Variants in PCYOX1L observed in about 807,000 individuals in gnomAD.
The protein encoded by PCYOX1L is prenylcysteine oxidase 1 like, also known as prenylcysteine oxidase 1-like.
Under a neutral mutation model 44.1 loss-of-function variants are expected in PCYOX1L, and 40 were observed. The observed-to-expected ratio is 0.91, with a 90% confidence interval of 0.70 to 1.18. The LOEUF is 1.18. Ranked by LOEUF, PCYOX1L falls within the 50% of genes most tolerant of loss-of-function variation. PCYOX1L has a pLI of 0.00. For synonymous variants in PCYOX1L, 266 were observed against 282.8 expected (o/e 0.94, Z 0.60); for missense variants, 605 against 653.3 (o/e 0.93, Z 0.81).
In PCYOX1L at chr5:149,362,830, C is replaced by T. The variant is rs750459489; in HGVS notation, c.282C>T (p.Phe94=). 8.7e-6 allele frequency: 14 copies of T among 1,613,880 alleles called. No individual in the cohort carries two copies. The highest frequency in any genetic ancestry group is 1.1e-5 in the Non-Finnish European group (13 of 1,180,040). ...FHSLSLHMQD[F]VKLLGLRHRR... is the part of the protein sequence containing the mutation. ...CCCTGAGCCTGCACATGCAGGACTT[C>T]GTCAAGCTGCTGGGTGAGTGGTCAG... The change falls in exon 2 of 6, where the codon TTC becomes TTT. Residue 94 remains phenylalanine (F), a synonymous_variant. Coordinates refer to ENST00000274569, the MANE Select transcript of PCYOX1L (RefSeq NM_024028.4).
intron 3 of PCYOX1L, 102 bp from the exon 4 acceptor site, chr5:149,365,840 G>A: frequency 9.6e-7 from 1 of 1,040,244 alleles, no homozygotes; most frequent in Non-Finnish European, 1.5e-6. Flanking sequence ...TGTAGAGGAA[G>A]TGATGGGTTC....
intron 3 of PCYOX1L, 159 bp downstream of exon 3, chr5:149,364,369 A>ATGGCC: frequency 1.2e-6 from 1 of 826,836 alleles, no homozygotes; most frequent in Non-Finnish European, 1.8e-6. Flanking sequence ...GGCATGAGGA[A>ATGGCC]TGGCCGTATT....
chr5:149,359,312 C>T (rs1561699046), intron 1 of PCYOX1L, among the ~76,000 whole-genome samples: 1 of 152,184 alleles, frequency 6.6e-6, no homozygotes, highest in Non-Finnish European at 1.5e-5. Context: ...AACCACAGCC[C>T]AGGCCATACA....
At chr5:149,366,224 C>T in intron 4 of PCYOX1L, 71 bp downstream of exon 4, 1 of 1,493,662 alleles carries the variant, frequency 6.7e-7, no homozygotes, top group Non-Finnish European at 9.1e-7. Flanking sequence ...GGCTGGGGGT[C>T]CCCATAATAA....
intron 3 of PCYOX1L, 196 bp downstream of exon 3, chr5:149,364,406 T>C (rs1758130095): frequency 1.3e-5 from 8 of 597,096 alleles, no homozygotes; most frequent in Non-Finnish European, 1.7e-5. Flanking sequence ...TCCCTAGTAT[T>C]GTCACATTGA....
intron 2 of PCYOX1L, 102 bp downstream of exon 2, chr5:149,362,945 G>A (rs1484096590): frequency 3.1e-6 from 4 of 1,280,114 alleles, no homozygotes; most frequent in South Asian, 2.4e-5. Flanking sequence ...AGAAGGTCAT[G>A]TGGCCCAATC....
chr5:149,365,706 C>A, intron 3 of PCYOX1L: 1 of 574,960 alleles, frequency 1.7e-6, no homozygotes, highest in Non-Finnish European at 3.1e-6. Flanking sequence ...CTCAGCACAG[C>A]CGTGATGTGA....
Position 149,364,050 on chromosome 5 carries a change from C to A in PCYOX1L, c.310C>A (p.Arg104Ser), listed in dbSNP as rs142255736. The A allele has an allele frequency of 1.8e-5, 29 of 1,613,774 alleles. No homozygotes were observed. Among genetic ancestry groups the A allele is most frequent in the Non-Finnish European group, 2.4e-5 (28 of 1,179,880 alleles). Residue 104 changes from arginine to serine, a missense_variant, in exon 3 of 6, where the codon CGC (arginine) becomes AGC (serine). Arg to Ser is a moderately radical substitution (Grantham distance 110). Transcript: ENST00000274569. ...TGTCTCTGCAGGGCTGAGGCACCGG[C>A]GCGAGGTGGTGGGCAGGAGCGCCAT... ...FVKLLGLRHR[R>S]EVVGRSAIFG...
At chr5:149,363,092 C>T (rs573340267) in intron 2 of PCYOX1L, 7 of 643,968 alleles carry the variant, frequency 1.1e-5, no homozygotes, top group African/African-American at 1.8e-5. Flanking sequence ...CAATTTGCTG[C>T]CTCTAAATAA....
At chr5:149,359,273 G>T (rs1757941369) in intron 1 of PCYOX1L, among the ~76,000 whole-genome samples, 1 of 152,242 alleles carries the variant, frequency 6.6e-6, no homozygotes, top group Admixed American at 6.5e-5. Context: ...ACAGGGTCCA[G>T]TGCAGTGCTA....
intron 5 of PCYOX1L, 83 bp from the exon 6 acceptor site, chr5:149,367,907 CGTT>C (rs1758273056): frequency 1.9e-5 from 26 of 1,398,320 alleles, no homozygotes; most frequent in South Asian, 2.8e-5. Flanking sequence ...ACCAGGGTCT[CGTT>C]GTACCTCAAT....
intron 1 of PCYOX1L, among the ~76,000 whole-genome samples, chr5:149,360,403 G>A (rs1232405390): frequency 6.6e-6 from 1 of 152,282 alleles, no homozygotes; most frequent in Non-Finnish European, 1.5e-5. Flanking sequence ...TGGAGGGGAT[G>A]GGAGCACACT....
chr5:149,367,901 G>T, intron 5 of PCYOX1L, 92 bp from the exon 6 acceptor site: 1 of 1,356,100 alleles, frequency 7.4e-7, no homozygotes. Flanking sequence ...CTGAGCACCA[G>T]GGTCTCGTTG....
Position 149,366,000 on chromosome 5 carries a change from T to C in PCYOX1L, c.529T>C (p.Ser177Pro), listed in dbSNP as rs1260968971. 3 of 1,614,230 alleles carry C rather than the reference T, an allele frequency of 1.9e-6. No homozygotes were observed. The Admixed American group carries it at 5.0e-5, about 27-fold the overall frequency. Residue 177 changes from serine to proline, a missense_variant, in exon 4 of 6, where the codon TCA becomes CCA. Ser to Pro is a moderately conservative substitution (Grantham distance 74, BLOSUM62 -1). Transcript: ENST00000274569. ...AFSGVEELLY[S>P]LGESTFVNMT... is the part of the protein sequence containing the mutation. ...CTCGGGTGTGGAGGAGCTGCTCTAC[T>C]CACTGGGGGAGTCCACCTTTGTTAA...
intron 2 of PCYOX1L, chr5:149,363,242 G>A (rs1034471966): frequency 8.2e-6 from 3 of 365,104 alleles, no homozygotes; most frequent in South Asian, 2.1e-5. Context: ...CTCAGAAAAT[G>A]TATAGATTTA....
At chr5:149,361,230 G>A (rs1758001015) in intron 1 of PCYOX1L, among the ~76,000 whole-genome samples, 2 of 152,118 alleles carry the variant, frequency 1.3e-5, no homozygotes, top group South Asian at 2.1e-4. Context: ...GCAACATGGT[G>A]AAACCTCATC....
chr5:149,366,235 C>A, intron 4 of PCYOX1L, 82 bp downstream of exon 4: 1 of 1,418,820 alleles, frequency 7.0e-7, no homozygotes, highest in Non-Finnish European at 9.6e-7. Flanking sequence ...CCCATAATAA[C>A]CTCACTTTTA....
chr5:149,364,021 T>C lies in PCYOX1L; in HGVS notation c.296-15T>C. On this transcript the variant is annotated splice_polypyrimidine_tract_variant and intron_variant, in intron 2 of 5. Transcript: ENST00000274569. Reference sequence around the variant, plus strand: ...TCTTGGAGGGGACCTGAGGGGCTCCTCTTTGTCTCTGCAGGGCTGAGGCAC... The same window carrying C: ...TCTTGGAGGGGACCTGAGGGGCTCCCCTTTGTCTCTGCAGGGCTGAGGCAC... The C allele has an allele frequency of 6.2e-7, 1 of 1,613,246 alleles. No individual in the cohort carries two copies. The highest frequency in any genetic ancestry group is 8.5e-7 in the Non-Finnish European group (1 of 1,179,634).
At chr5:149,358,188 G>T in intron 1 of PCYOX1L, 32 bp downstream of exon 1, 2 of 1,414,944 alleles carry the variant, frequency 1.4e-6, no homozygotes, top group South Asian at 2.9e-5. Flanking sequence ...GTTCCCAGCT[G>T]GGGAGGGCCG....
Sources: gnomAD v4.1 joint callset for allele counts (sites outside exome capture counted in the v4.1 genomes callset) on GRCh38, gnomAD v4.1.1 for gene constraint, MANE v1.5 for transcripts, NCBI Gene and HGNC (gene_info 2026-07-23, HGNC 2026-07-21) for gene names.